The following KIF9 variants were observed in gnomAD, a reference collection of about 807,000 sequenced individuals.
KIF9 encodes the protein kinesin family member 9.
In KIF9, 68 loss-of-function variants were observed where a neutral mutation model predicts 94.8. The observed-to-expected ratio is 0.72, with a 90% CI of 0.59 to 0.88. The LOEUF (loss-of-function observed/expected upper bound fraction) is 0.88, where lower values mean the gene tolerates loss of function less well. Among genes scored for constraint, KIF9 ranks in the 40% least tolerant of loss-of-function variants. KIF9 has a pLI of 0.00. For synonymous variants in KIF9, 343 were observed against 362.1 expected (o/e 0.95, Z 0.60); for missense variants, 882 against 982.5 (o/e 0.90, Z 1.37).
intron 5 of KIF9, among the ~76,000 whole-genome samples, chr3:47,270,417 CT>C (rs1183195061): frequency 1.3e-5 from 2 of 151,312 alleles, no homozygotes; most frequent in African/African-American, 2.4e-5. Flanking sequence ...CCACACCCAG[CT>C]TATTTTTTGT....
At chr3:47,254,714 C>T (rs1559444764) in intron 10 of KIF9, among the ~76,000 whole-genome samples, 1 of 152,054 alleles carries the variant, frequency 6.6e-6, no homozygotes, top group Non-Finnish European at 1.5e-5. Flanking sequence ...GTCACCATGG[C>T]CTTAACTAGG....
At chr3:47,243,601 T>G in intron 15 of KIF9, 1 of 172,524 alleles carries the variant, frequency 5.8e-6, no homozygotes, top group Non-Finnish European at 1.2e-5. Context: ...TCATACAGGC[T>G]TCCCCGGGAA....
chr3:47,242,570 T>C (rs1699646215), intron 16 of KIF9, among the ~76,000 whole-genome samples: 1 of 152,238 alleles, frequency 6.6e-6, no homozygotes, highest in African/African-American at 2.4e-5. Context: ...TCCCTAGTGT[T>C]GGCTACTGAA....
chr3:47,262,658 C>T (rs1701055213), intron 9 of KIF9, among the ~76,000 whole-genome samples: 1 of 152,154 alleles, frequency 6.6e-6, no homozygotes, highest in Admixed American at 6.5e-5. Flanking sequence ...TGGAGCTCTC[C>T]TCCCCTGCCT....
intron 10 of KIF9, 119 bp downstream of exon 10, chr3:47,257,364 C>A (rs1700686588): frequency 1.1e-6 from 1 of 873,060 alleles, no homozygotes; most frequent in Non-Finnish European, 1.9e-6. Flanking sequence ...AAGGGCTGAC[C>A]CAGGGCTGCA....
chr3:47,261,375 T>C (rs577162759), intron 9 of KIF9, among the ~76,000 whole-genome samples: 20 of 152,302 alleles, frequency 1.3e-4, no homozygotes, highest in African/African-American at 3.6e-4. Context: ...AGGATAATTA[T>C]GGCTGGAGGC....
At chr3:47,277,829 T>G (rs1390451285) in intron 1 of KIF9, among the ~76,000 whole-genome samples, 1 of 152,178 alleles carries the variant, frequency 6.6e-6, no homozygotes, top group African/African-American at 2.4e-5. Context: ...CAGCATCCTC[T>G]TCTCCAGTAG....
At chr3:47,248,174 T>G (rs1700049160) in intron 10 of KIF9, 88 bp from the exon 11 acceptor site, 2 of 963,260 alleles carry the variant, frequency 2.1e-6, no homozygotes, top group Non-Finnish European at 3.3e-6. Flanking sequence ...GTACAATTCC[T>G]CATTCTGTGC....
intron 2 of KIF9, among the ~76,000 whole-genome samples, chr3:47,276,636 G>A (rs1230479070): frequency 6.6e-6 from 1 of 151,948 alleles, no homozygotes; most frequent in African/African-American, 2.4e-5. Context: ...TTCTGTGTTC[G>A]CTGAAAACCA....
chr3:47,247,964 A>T, intron 11 of KIF9, 54 bp downstream of exon 11: 1 of 1,379,608 alleles, frequency 7.2e-7, no homozygotes, highest in Non-Finnish European at 1.0e-6. Context: ...CAGTCCCTCT[A>T]GTCACCCCCT....
At chr3:47,234,747 G>C (rs1432761855) in intron 20 of KIF9, among the ~76,000 whole-genome samples, 1 of 149,382 alleles carries the variant, frequency 6.7e-6, no homozygotes, top group African/African-American at 2.5e-5. Context: ...GTAGAGACAG[G>C]GTTTCATCAT....
At chr3:47,228,759 G>T in intron 20 of KIF9, 57 bp from the exon 21 acceptor site, 3 of 1,410,480 alleles carry the variant, frequency 2.1e-6, no homozygotes, top group South Asian at 1.1e-5. Flanking sequence ...ACATAGCAGG[G>T]ACTCAGACCA....
At chr3:47,246,937 C>G (rs1429061037) in intron 12 of KIF9, among the ~76,000 whole-genome samples, 2 of 150,482 alleles carry the variant, frequency 1.3e-5, no homozygotes, top group African/African-American at 5.0e-5. Context: ...GTGGTTTCCC[C>G]CTCCTTGGCC....
chr3:47,256,202 C>A (rs1034267621), intron 10 of KIF9, among the ~76,000 whole-genome samples: 2 of 152,002 alleles, frequency 1.3e-5, no homozygotes, highest in Non-Finnish European at 1.5e-5. Flanking sequence ...AAGTGAGGAG[C>A]GTCTCTGCGT....
chr3:47,279,589 A>G lies in KIF9; in HGVS notation c.-5-2210T>C, dbSNP rs200858777. On this transcript the variant is annotated intron_variant, in intron 1 of 20. Coordinates refer to ENST00000684063, the MANE Select transcript of KIF9 (RefSeq NM_182902.4). ...AGATTATCTTGCTTTTTTAAAAAGTACATTAAATAATGGTAATATTTTATT... is the reference window on the plus strand; with the variant it reads ...AGATTATCTTGCTTTTTTAAAAAGTGCATTAAATAATGGTAATATTTTATT... Among the ~76,000 whole-genome samples the G allele has an allele frequency of 7.9e-5, 12 of 151,882 alleles. 1 individual carries two copies. The East Asian group carries it at 2.3e-3, about 29-fold the overall frequency.
At chr3:47,271,587 G>A (rs980875603) in intron 4 of KIF9, 126 bp from the exon 5 acceptor site, 3 of 700,552 alleles carry the variant, frequency 4.3e-6, no homozygotes, top group African/African-American at 3.6e-5. Context: ...TAAAGGAATT[G>A]GGTGATATTT....
intron 8 of KIF9, 43 bp from the exon 9 acceptor site, chr3:47,264,393 T>C (rs1415755511): frequency 6.5e-7 from 1 of 1,543,630 alleles, no homozygotes; most frequent in Non-Finnish European, 9.0e-7. Context: ...CCATGTGTTT[T>C]TTCTGCTCCA....
At chr3:47,245,948 A>G in intron 13 of KIF9, 1 of 516,840 alleles carries the variant, frequency 1.9e-6, no homozygotes, top group Non-Finnish European at 3.5e-6. Flanking sequence ...GTGTGTTGCA[A>G]TATTCACAAG....
At chr3:47,229,428 C>T (rs1340557349) in intron 20 of KIF9, among the ~76,000 whole-genome samples, 2 of 152,152 alleles carry the variant, frequency 1.3e-5, no homozygotes, top group African/African-American at 4.8e-5. Flanking sequence ...TTTCAATACA[C>T]ACACAAACAC....
Sources: gnomAD v4.1 joint callset for allele counts (sites outside exome capture counted in the v4.1 genomes callset) on GRCh38, gnomAD v4.1.1 for gene constraint, MANE v1.5 for transcripts, NCBI Gene and HGNC (gene_info 2026-07-23, HGNC 2026-07-21) for gene names.